Variants in PHC2 observed in about 807,000 individuals in gnomAD.
PHC2 encodes the protein polyhomeotic-like protein 2.
Under a neutral mutation model 87.4 loss-of-function variants are expected in PHC2, and 29 were observed. That is an observed-to-expected ratio of 0.33 (90% CI 0.25 to 0.45). The LOEUF (loss-of-function observed/expected upper bound fraction) is 0.45. PHC2 is among the 20% of genes least tolerant of loss of function. The probability of loss-of-function intolerance (pLI) is 1.00; values close to 1 mark genes in which losing one functional copy is unlikely to be tolerated. For synonymous variants in PHC2, 438 were observed against 461.7 expected (o/e 0.95, Z 0.66); for missense variants, 857 against 1,136.7 (o/e 0.75, Z 3.54).
intron 1 of PHC2, among the ~76,000 whole-genome samples, chr1:33,379,855 C>T (rs943787666): frequency 5.6e-5 from 4 of 70,886 alleles, no homozygotes; most frequent in Admixed American, 9.9e-5. Flanking sequence ...TCGCCCTTGA[C>T]CAGTCTCCTG....
chr1:33,360,260 C>A (rs1418894906), intron 7 of PHC2, among the ~76,000 whole-genome samples: 1 of 152,262 alleles, frequency 6.6e-6, no homozygotes, highest in Admixed American at 6.5e-5. Context: ...TAGGCCTGTT[C>A]TGCAGCCCTC....
chr1:33,391,179 A>C (rs1318840040), intron 1 of PHC2, among the ~76,000 whole-genome samples: 2 of 152,198 alleles, frequency 1.3e-5, no homozygotes, highest in African/African-American at 4.8e-5. Context: ...GGCCTCACCC[A>C]TCCCCAGACT....
At chr1:33,376,533 AC>A (rs1374049427) in intron 1 of PHC2, among the ~76,000 whole-genome samples, 1 of 152,206 alleles carries the variant, frequency 6.6e-6, no homozygotes, top group African/African-American at 2.4e-5. Context: ...ATCACCTCTC[AC>A]CCTATCAGCC....
intron 9 of PHC2, among the ~76,000 whole-genome samples, chr1:33,337,280 A>G (rs1224081706): frequency 2.0e-5 from 3 of 152,204 alleles, no homozygotes; most frequent in Non-Finnish European, 4.4e-5. Context: ...GAATACCTCC[A>G]GCGACAAAGA....
intron 1 of PHC2, among the ~76,000 whole-genome samples, chr1:33,396,523 C>A (rs531741040): frequency 9.2e-5 from 14 of 152,338 alleles, no homozygotes; most frequent in African/African-American, 2.9e-4. Context: ...TTACCAGTTT[C>A]ATCGATCCCT....
At chr1:33,356,270 T>TGC in intron 7 of PHC2, among the ~76,000 whole-genome samples, 1 of 88,622 alleles carries the variant, frequency 1.1e-5, no homozygotes, top group Non-Finnish European at 2.4e-5. Flanking sequence ...TATATATATA[T>TGC]ATATATGTAT....
At chr1:33,345,948 GTTATC>G in intron 9 of PHC2, 1 of 984,908 alleles carries the variant, frequency 1.0e-6, no homozygotes, top group African/African-American at 1.7e-5. Flanking sequence ...TGAATAAGTA[GTTATC>G]TTAAATAGGC....
chr1:33,327,723 C>T (rs1646401933), intron 14 of PHC2, among the ~76,000 whole-genome samples: 1 of 152,224 alleles, frequency 6.6e-6, no homozygotes, highest in Non-Finnish European at 1.5e-5. Flanking sequence ...AACACTCGAG[C>T]AGCCCTCTGG....
chr1:33,430,264 C>T (rs922121313), intron 1 of PHC2, among the ~76,000 whole-genome samples: 1 of 152,212 alleles, frequency 6.6e-6, no homozygotes, highest in Non-Finnish European at 1.5e-5. Flanking sequence ...CAGGTCATCA[C>T]TCAGCACAGA....
At chr1:33,365,855 C>G (rs1647418346) in intron 7 of PHC2, among the ~76,000 whole-genome samples, 1 of 145,342 alleles carries the variant, frequency 6.9e-6, no homozygotes, top group Non-Finnish European at 1.5e-5. Flanking sequence ...TTTTCTCTGC[C>G]TGGGAACCTT....
At chr1:33,384,098 T>C (rs1648624984) in intron 1 of PHC2, among the ~76,000 whole-genome samples, 3 of 152,124 alleles carry the variant, frequency 2.0e-5, no homozygotes, top group Non-Finnish European at 4.4e-5. Context: ...TAAAAAAGGG[T>C]GCAAAGGCAT....
intron 1 of PHC2, among the ~76,000 whole-genome samples, chr1:33,379,129 A>G (rs1211352248): frequency 5.9e-5 from 9 of 151,856 alleles, no homozygotes; most frequent in Admixed American, 5.9e-4. Context: ...TGTACAGGCC[A>G]GGACAGCCAC....
chr1:33,372,183 G>T, intron 3 of PHC2, 106 bp downstream of exon 3: 1 of 1,149,202 alleles, frequency 8.7e-7, no homozygotes, highest in Non-Finnish European at 1.2e-6. Context: ...TTAGGTTGCA[G>T]GTAAGAGAAG....
chr1:33,419,603 CCTCT>C (rs1181146128), intron 1 of PHC2, among the ~76,000 whole-genome samples: 10 of 151,506 alleles, frequency 6.6e-5, no homozygotes, highest in African/African-American at 2.4e-5. Context: ...TCTCCTTCTG[CCTCT>C]CTCTCTTTCT....
chr1:33,402,348 A>T (rs1649571605), intron 1 of PHC2, among the ~76,000 whole-genome samples: 1 of 152,244 alleles, frequency 6.6e-6, no homozygotes, highest in Non-Finnish European at 1.5e-5. Flanking sequence ...GGAGTAAAAA[A>T]TGATTCAATC....
At chr1:33,416,651 T>TA (rs1650223451) in intron 1 of PHC2, among the ~76,000 whole-genome samples, 1 of 148,612 alleles carries the variant, frequency 6.7e-6, no homozygotes, top group Non-Finnish European at 1.5e-5. Context: ...CAGTAGGCAA[T>TA]GGATAGACAT....
At chr1:33,365,706 GC>G (rs1190536937) in intron 7 of PHC2, among the ~76,000 whole-genome samples, 1 of 152,256 alleles carries the variant, frequency 6.6e-6, no homozygotes, top group Non-Finnish European at 1.5e-5. Flanking sequence ...GTGGGGAGGT[GC>G]CTTTCTTGGC....
rs1056002432 is a variant in PHC2 at position 33,347,553 on chromosome 1, T to C, written c.1558+6848A>G. ...TAAGCACCTTTGTGCCACATGTCAG[T>C]AAAGAACAGTTTGGGGGAAAAAAGA... On this transcript the variant is annotated intron_variant, in intron 9 of 14. Coordinates refer to ENST00000683057, the MANE Select transcript of PHC2 (RefSeq NM_001385109.1). 3.0e-6 allele frequency: 3 copies of C among 985,088 alleles called. No homozygotes were observed. In the African/African-American group the frequency reaches 5.3e-5, roughly 17 times the overall value. 61.0% of individuals were successfully genotyped at this position (985,088 alleles called of 1,614,324 possible).
chr1:33,363,476 CA>C (rs1647259089), intron 7 of PHC2, among the ~76,000 whole-genome samples: 1 of 152,186 alleles, frequency 6.6e-6, no homozygotes, highest in South Asian at 2.1e-4. Flanking sequence ...CTGGAATCAG[CA>C]ACACTGCATT....
Sources: gnomAD v4.1 joint callset for allele counts (sites outside exome capture counted in the v4.1 genomes callset) on GRCh38, gnomAD v4.1.1 for gene constraint, MANE v1.5 for transcripts, NCBI Gene and HGNC (gene_info 2026-07-23, HGNC 2026-07-21) for gene names.